Variants in EBAG9 observed in about 807,000 individuals in gnomAD.
The protein encoded by EBAG9 is receptor-binding cancer antigen expressed on SiSo cells.
A neutral mutation model predicts 30.9 loss-of-function variants in EBAG9; 16 were observed. That is an observed-to-expected ratio of 0.52 (90% CI 0.35 to 0.79). The LOEUF is 0.79. EBAG9 is among the 30% of genes least tolerant of loss of function. EBAG9 has a pLI of 0.01. For synonymous variants in EBAG9, 93 were observed against 82.8 expected, an observed-to-expected ratio of 1.12 and a Z score of -0.67; for missense variants, 197 against 242.1, an observed-to-expected ratio of 0.81 and a Z score of 1.24.
At chr8:109,544,144 G>A (rs1320124469) in intron 1 of EBAG9, among the ~76,000 whole-genome samples, 1 of 151,754 alleles carries the variant, frequency 6.6e-6, no homozygotes, top group Non-Finnish European at 1.5e-5. Context: ...GCTCATGTAA[G>A]GTAATTAAAA....
At position 109,561,890 on chromosome 8, in the gene EBAG9, C is replaced by CTTT. The variant is rs397942472; in HGVS notation, c.521+978_521+980dup. Among the ~76,000 whole-genome samples the CTTT allele has an allele frequency of 1.9e-3, 223 of 118,490 alleles. 5 individuals are homozygous for CTTT. The highest frequency in any genetic ancestry group is 6.1e-3 in the African/African-American group (192 of 31,622). 77.7% of individuals were successfully genotyped at this position (118,490 alleles called of 152,430 possible). A position where few individuals can be genotyped will look rare whatever the true frequency, so the allele number is the denominator to read the frequency against. On this transcript the variant is annotated intron_variant, in intron 6 of 6. Transcript: ENST00000337573. ...TTTTTCCTTTGAAATATATCAAGCC[C>CTTT]TTTTTTTTTTTTTTTTTTTGCAGGT... is the stretch of plus-strand genomic sequence containing the variant.
intron 1 of EBAG9, among the ~76,000 whole-genome samples, chr8:109,542,803 G>A (rs1255607685): frequency 1.3e-5 from 2 of 151,950 alleles, no homozygotes; most frequent in Non-Finnish European, 2.9e-5. Context: ...TCTAGAGAAG[G>A]GTTGTACAGG....
chr8:109,542,018 A>G (rs767423677), intron 1 of EBAG9, among the ~76,000 whole-genome samples: 5 of 152,204 alleles, frequency 3.3e-5, no homozygotes, highest in Non-Finnish European at 5.9e-5. Flanking sequence ...TGAATTAAAT[A>G]TACCTAGGTT....
At chr8:109,540,483 C>T (rs1012625247) in intron 1 of EBAG9, 22 bp downstream of exon 1, 5 of 152,046 alleles carry the variant, frequency 3.3e-5, no homozygotes, top group Admixed American at 3.3e-4. Flanking sequence ...TTTTCATCAA[C>T]AAATTTCACG....
intron 6 of EBAG9, chr8:109,563,462 C>G: frequency 6.3e-7 from 1 of 1,597,654 alleles, no homozygotes; most frequent in Non-Finnish European, 8.5e-7. Flanking sequence ...ACCTCCACTC[C>G]CTACATTAAC....
intron 4 of EBAG9, among the ~76,000 whole-genome samples, chr8:109,556,462 A>G (rs1375704598): frequency 6.6e-6 from 1 of 152,152 alleles, no homozygotes; most frequent in East Asian, 1.9e-4. Flanking sequence ...GGAACCTAGT[A>G]TATTGCTATA....
chr8:109,546,303 T>C (rs1023257360), intron 1 of EBAG9, among the ~76,000 whole-genome samples: 27 of 152,226 alleles, frequency 1.8e-4, no homozygotes, highest in African/African-American at 6.0e-4. Flanking sequence ...CTAATTGAAA[T>C]GCAATAAACT....
chr8:109,551,255 G>A (rs145975120), intron 2 of EBAG9, among the ~76,000 whole-genome samples: 61 of 151,534 alleles, frequency 4.0e-4, no homozygotes, highest in African/African-American at 1.3e-3. Context: ...GGTGAAATTC[G>A]GAATAGGTAT....
At chr8:109,547,664 TAG>T (rs1486183450) in intron 1 of EBAG9, among the ~76,000 whole-genome samples, 1 of 151,968 alleles carries the variant, frequency 6.6e-6, no homozygotes, top group Non-Finnish European at 1.5e-5. Context: ...GTATTTTTAG[TAG>T]AGACAGGGTT....
chr8:109,546,559 A>G (rs1821388591), intron 1 of EBAG9, among the ~76,000 whole-genome samples: 3 of 152,348 alleles, frequency 2.0e-5, no homozygotes, highest in South Asian at 4.1e-4. Context: ...TGGGCCTCAT[A>G]TAGCCCAGGA....
chr8:109,553,968 T>G, intron 3 of EBAG9, 25 bp downstream of exon 3: 1 of 1,526,238 alleles, frequency 6.6e-7, no homozygotes, highest in Non-Finnish European at 8.9e-7. Flanking sequence ...TGTGTTCTTT[T>G]GTTTTGTTTT....
At chr8:109,563,908 A>G (rs1462495393) in intron 6 of EBAG9, among the ~76,000 whole-genome samples, 2 of 151,998 alleles carry the variant, frequency 1.3e-5, no homozygotes, top group African/African-American at 4.8e-5. Flanking sequence ...CCTGAAATTT[A>G]CTTGGTGGAA....
At chr8:109,553,969 G>A (rs199898599) in intron 3 of EBAG9, 26 bp downstream of exon 3, 9 of 1,523,484 alleles carry the variant, frequency 5.9e-6, no homozygotes, top group East Asian at 2.3e-5. Context: ...GTGTTCTTTT[G>A]TTTTGTTTTG....
At chr8:109,549,155 A>T (rs1397420440) in intron 1 of EBAG9, among the ~76,000 whole-genome samples, 2 of 151,328 alleles carry the variant, frequency 1.3e-5, no homozygotes, top group East Asian at 3.9e-4. Flanking sequence ...CTCTATTGAG[A>T]TGTTTATATG....
chr8:109,553,393 T>C (rs1292570163), intron 2 of EBAG9, among the ~76,000 whole-genome samples: 1 of 152,216 alleles, frequency 6.6e-6, no homozygotes, highest in Non-Finnish European at 1.5e-5. Flanking sequence ...TTCCTACTAA[T>C]CCTTAAAAGT....
Position 109,560,097 on chromosome 8 carries a change from C to T in EBAG9, c.430-741C>T, listed in dbSNP as rs1381594164. On this transcript the variant is annotated intron_variant, in intron 5 of 6. Transcript: ENST00000337573. ...AAATAAATGTGTTCACAGATTGGTA[C>T]CAGTTATTTTACACACAGTCACTTC... Among the ~76,000 whole-genome samples, 6 of 152,084 alleles carry T rather than the reference C, an allele frequency of 3.9e-5. No individual in the cohort carries two copies. The East Asian group carries it at 1.2e-3, about 29-fold the overall frequency.
intron 5 of EBAG9, 99 bp downstream of exon 5, chr8:109,557,141 T>C: frequency 1.5e-6 from 1 of 665,570 alleles, no homozygotes. Context: ...AGTATTTATA[T>C]TTTTGTAACT....
At chr8:109,554,211 A>G (rs770600268) in intron 3 of EBAG9, among the ~76,000 whole-genome samples, 8 of 152,212 alleles carry the variant, frequency 5.3e-5, no homozygotes, top group Non-Finnish European at 8.8e-5. Context: ...TTAAAGCCTT[A>G]GAGAATTCCA....
In EBAG9 at chr8:109,543,135, CTTTTTTTTTTTT is replaced by C. The variant is rs557388998; in HGVS notation, c.-16+2694_-16+2705del. Among the ~76,000 whole-genome samples, 45 of 52,880 alleles carry C rather than the reference CTTTTTTTTTTTT, an allele frequency of 8.5e-4. 3 individuals carry two copies. The highest frequency in any genetic ancestry group is 0.027 in the Middle Eastern group (2 of 74). 34.7% of individuals were successfully genotyped at this position (52,880 alleles called of 152,430 possible). A position where few individuals can be genotyped will look rare whatever the true frequency, so the allele number is the denominator to read the frequency against. ...GAGTACAATTTTTAATATTCTGGTT[CTTTTTTTTTTTT>C]TTTTTTTTTTTTTTTTTTTAACAGT... is the stretch of plus-strand genomic sequence containing the variant. On this transcript the variant is annotated intron_variant, in intron 1 of 6. Coordinates refer to ENST00000337573, the MANE Select transcript of EBAG9 (RefSeq NM_004215.5).
Sources: allele counts gnomAD v4.1 joint callset (sites outside exome capture counted in the v4.1 genomes callset), GRCh38; gene constraint gnomAD v4.1.1; transcripts MANE v1.5; gene names NCBI Gene and HGNC (gene_info 2026-07-23, HGNC 2026-07-21).